The following REXO5 variants were observed in gnomAD, a reference collection of about 807,000 sequenced individuals.
REXO5 encodes the protein RNA exonuclease 5, also known as exonuclease NEF-sp.
A neutral mutation model predicts 88.5 loss-of-function variants in REXO5; 48 were observed. That is an observed-to-expected ratio of 0.54 (90% confidence interval 0.43 to 0.69). The LOEUF (loss-of-function observed/expected upper bound fraction) is 0.69, where lower values mean the gene tolerates loss of function less well. Among genes scored for constraint, REXO5 ranks in the 30% least tolerant of loss-of-function variants. The pLI, the probability that REXO5 is intolerant of heterozygous loss-of-function variation, is 0.00. For synonymous variants in REXO5, 311 were observed against 336.5 expected, an observed-to-expected ratio of 0.92 and a Z score of 0.83; for missense variants, 749 against 912.2, an observed-to-expected ratio of 0.82 and a Z score of 2.30.
chr16:20,818,667 A>C (rs2081118466), intron 5 of REXO5, among the ~76,000 whole-genome samples: 1 of 152,124 alleles, frequency 6.6e-6, no homozygotes, highest in Non-Finnish European at 1.5e-5. Flanking sequence ...ACAGAGTTTC[A>C]CCATGTTTGG....
chr16:20,808,102 A>T (rs920670153), intron 2 of REXO5, among the ~76,000 whole-genome samples: 2 of 152,152 alleles, frequency 1.3e-5, no homozygotes, highest in Non-Finnish European at 2.9e-5. Context: ...CATGCTGCTT[A>T]TGAGACTCTA....
rs1283861642 is a variant in REXO5, at chr16:20,825,842, T to C, written c.715T>C (p.Ser239Pro). ...FGLDCEMCLT[S>P]KGRELTRISL... ...CATGTTGGTCTTTCAGTGCCTCACA[T>C]CCAAGGGGAGAGAGCTAACACGCAT... The change falls in exon 8 of 20, where the codon TCC becomes CCC. Residue 239 changes from serine (S) to proline (P), a missense_variant. Transcript: ENST00000261377. 1 of 1,613,492 alleles carries C rather than the reference T, an allele frequency of 6.2e-7. No individual in the cohort carries two copies. Among genetic ancestry groups the C allele is most frequent in the South Asian group, 1.1e-5 (1 of 90,964 alleles).
chr16:20,807,155 A>T lies in REXO5; in HGVS notation c.138+64A>T. 3 of 1,533,524 alleles carry T rather than the reference A, an allele frequency of 2.0e-6. No individual in the cohort carries two copies. In the South Asian group the frequency reaches 3.7e-5, roughly 19 times the overall value. 95.0% of individuals were successfully genotyped at this position (1,533,524 alleles called of 1,614,324 possible). On this transcript the variant is annotated intron_variant, in intron 2 of 19. Transcript: ENST00000261377. ...TTTGGAGCTCCCGGACCCTCGCCCA[A>T]CCGCCGTCGGGGGCACTGGATTCGG... is the stretch of plus-strand genomic sequence containing the variant.
intron 7 of REXO5, among the ~76,000 whole-genome samples, chr16:20,824,973 C>T (rs568788064): frequency 2.6e-5 from 4 of 152,102 alleles, no homozygotes; most frequent in African/African-American, 9.6e-5. Context: ...AGCGCCACTG[C>T]ACTCCAGCCT....
At position 20,849,518 on chromosome 16, in the gene REXO5, C is replaced by G; in HGVS notation, c.*38C>G. Reference sequence around the variant, plus strand: ...TGTTTCCATGTGCCATTTCTTACCCCTTGTAGGCAATGGCAAAGAATGTGG... The same window carrying G: ...TGTTTCCATGTGCCATTTCTTACCCGTTGTAGGCAATGGCAAAGAATGTGG... On this transcript the variant is annotated 3_prime_UTR_variant, in exon 20 of 20. Transcript: ENST00000261377. 6.3e-7 allele frequency: 1 copy of G among 1,584,978 alleles called. No individual in the cohort carries two copies. The highest frequency in any genetic ancestry group is 8.7e-7 in the Non-Finnish European group (1 of 1,153,718).
At chr16:20,820,167 G>C (rs1252261746) in intron 5 of REXO5, among the ~76,000 whole-genome samples, 1 of 152,104 alleles carries the variant, frequency 6.6e-6, no homozygotes, top group Non-Finnish European at 1.5e-5. Flanking sequence ...TTGAATGGTG[G>C]ACGAAAGTTA....
At position 20,825,887 on chromosome 16, in the gene REXO5, G is replaced by A; in HGVS notation, c.760G>A (p.Gly254Ser). The change falls in exon 8 of 20, where the codon GGC becomes AGC. Residue 254 changes from glycine to serine, a missense_variant. Physicochemically the swap from Gly to Ser is moderately conservative, Grantham distance 56. Transcript: ENST00000261377. ...ACGCATCTCACTGGTTGCTGAAGGAGGCTGCTGTGTTATGGATGAACTGGT... is the reference window on the plus strand; with the variant it reads ...ACGCATCTCACTGGTTGCTGAAGGAAGCTGCTGTGTTATGGATGAACTGGT... The part of the protein sequence containing the change: ...LTRISLVAEG[G>S]CCVMDELVKP... 1 of 1,614,090 alleles carries A rather than the reference G, an allele frequency of 6.2e-7. No homozygotes were observed. The highest frequency in any genetic ancestry group is 1.1e-5 in the South Asian group (1 of 91,040).
At chr16:20,843,673 G>A (rs2081563681) in intron 15 of REXO5, among the ~76,000 whole-genome samples, 1 of 152,218 alleles carries the variant, frequency 6.6e-6, no homozygotes, top group East Asian at 1.9e-4. Context: ...TGACTTTAGT[G>A]ATGCATAATA....
chr16:20,827,337 T>C lies in REXO5; in HGVS notation c.961-16T>C. On this transcript the variant is annotated splice_polypyrimidine_tract_variant and intron_variant, in intron 9 of 19. Transcript: ENST00000261377. The stretch of plus-strand genomic sequence containing the variant: ...TAGCATAAGACACTACTCATTTTAT[T>C]CTCTTTCTTCCTCAGATGATACATC... 6.2e-7 allele frequency: 1 copy of C among 1,608,878 alleles called. No individual in the cohort carries two copies. The highest frequency in any genetic ancestry group is 8.5e-7 in the Non-Finnish European group (1 of 1,176,064).
At chr16:20,844,564 T>A (rs2081577827) in intron 16 of REXO5, 65 bp from the exon 17 acceptor site, 1 of 1,387,616 alleles carries the variant, frequency 7.2e-7, no homozygotes, top group Admixed American at 1.9e-5. Flanking sequence ...AACAACTTGC[T>A]AGTATCCAAT....
intron 18 of REXO5, among the ~76,000 whole-genome samples, chr16:20,845,580 C>T (rs1197480679): frequency 6.6e-6 from 1 of 151,882 alleles, no homozygotes; most frequent in Non-Finnish European, 1.5e-5. Context: ...ATGGTCTTTT[C>T]TTTTTTGTTT....
At position 20,826,964 on chromosome 16, in the gene REXO5, A is replaced by T. The variant is rs184865081; in HGVS notation, c.822-94A>T. 353 of 1,267,410 alleles carry T rather than the reference A, an allele frequency of 2.8e-4. 2 individuals are homozygous for T. The African/African-American group carries it at 4.9e-3, about 17-fold the overall frequency. The allele number at this position is 1,267,410 out of a possible 1,614,324, so 78.5% of individuals were successfully genotyped here. A position where few individuals can be genotyped will look rare whatever the true frequency, so the allele number is the denominator to read the frequency against. Reference sequence around the variant, plus strand: ...GGACACTAAGCATATATATATTAACAGTAATTTTAAAAAATGTTATTTTTA... The same window carrying T: ...GGACACTAAGCATATATATATTAACTGTAATTTTAAAAAATGTTATTTTTA... On this transcript the variant is annotated intron_variant, in intron 8 of 19. Transcript: ENST00000261377.
In REXO5 at chr16:20,849,493, T is replaced by C. The variant is rs2081660500; in HGVS notation, c.*13T>C. 2 of 1,612,960 alleles carry C rather than the reference T, an allele frequency of 1.2e-6. No homozygotes were observed. Among genetic ancestry groups the C allele is most frequent in the Non-Finnish European group, 1.7e-6 (2 of 1,179,052 alleles). ...CCTGTGTTCGTGAGTCGGCCTGCCA[T>C]GTTTCCATGTGCCATTTCTTACCCC... On this transcript the variant is annotated 3_prime_UTR_variant, in exon 20 of 20. Coordinates refer to ENST00000261377, the MANE Select transcript of REXO5 (RefSeq NM_030941.3).
chr16:20,826,276 G>A (rs965931327), intron 8 of REXO5, among the ~76,000 whole-genome samples: 1 of 152,162 alleles, frequency 6.6e-6, no homozygotes, highest in Non-Finnish European at 1.5e-5. Context: ...CTGAAAATCT[G>A]CAAGTCATCA....
In REXO5 at chr16:20,844,832, A is replaced by G; in HGVS notation, c.1923A>G (p.Lys641=). 2 of 1,613,818 alleles carry G rather than the reference A, an allele frequency of 1.2e-6. No homozygotes were observed. The highest frequency in any genetic ancestry group is 1.7e-6 in the Non-Finnish European group (2 of 1,179,858). ...ATCTTAAAAGTGGAAAGCAGAAAAA[A>G]TACTGTTTCCTGAGTAAGTCTATGC... ...PKDLKSGKQK[K]YCFLKFKSFG... is the part of the protein sequence containing the mutation. Residue 641 remains lysine (K), a synonymous_variant, in exon 17 of 20, where the codon AAA becomes AAG. Coordinates refer to ENST00000261377, the MANE Select transcript of REXO5 (RefSeq NM_030941.3).
chr16:20,807,025 G>A lies in REXO5; in HGVS notation c.72G>A (p.Lys24=). ...KVRESRQAPN[K]LVGAAEAMKA... Reference sequence around the variant, plus strand: ...GGGAAAGCAGGCAGGCCCCAAATAAGCTGGTCGGGGCAGCTGAGGCGATGA... The same window carrying A: ...GGGAAAGCAGGCAGGCCCCAAATAAACTGGTCGGGGCAGCTGAGGCGATGA... The change falls in exon 2 of 20, where the codon AAG becomes AAA. Residue 24 remains lysine, a synonymous_variant. Transcript: ENST00000261377. 2.5e-6 allele frequency: 4 copies of A among 1,603,112 alleles called. No individual in the cohort carries two copies. The South Asian group carries it at 4.5e-5, about 18-fold the overall frequency.
intron 19 of REXO5, 37 bp downstream of exon 19, chr16:20,846,376 C>A (rs34400115): frequency 0.14 from 209,552 of 1,485,372 alleles, 15,571 homozygotes; most frequent in Middle Eastern, 0.23. Context: ...AGGACTCTGT[C>A]CCCTGGATTT....
At chr16:20,831,602 T>C (rs967723345) in intron 11 of REXO5, among the ~76,000 whole-genome samples, 3 of 152,204 alleles carry the variant, frequency 2.0e-5, no homozygotes, top group African/African-American at 7.2e-5. Context: ...AAAAAAAGTT[T>C]ATTTTTAAAA....
rs1472496806 is a variant in REXO5, at chr16:20,849,647, T to C, written c.*167T>C. On this transcript the variant is annotated 3_prime_UTR_variant, in exon 20 of 20. Coordinates refer to ENST00000261377, the MANE Select transcript of REXO5 (RefSeq NM_030941.3). The stretch of plus-strand genomic sequence containing the variant: ...ATGGCATGTATAAGTTTTCAATAAA[T>C]GCCTAAAGTTCAAGCATAGTATGGG... 1 of 615,828 alleles carries C rather than the reference T, an allele frequency of 1.6e-6. No homozygotes were observed. The highest frequency in any genetic ancestry group is 2.9e-6 in the Non-Finnish European group (1 of 346,232). 38.1% of individuals were successfully genotyped at this position (615,828 alleles called of 1,614,324 possible).
Sources: allele counts gnomAD v4.1 joint callset (sites outside exome capture counted in the v4.1 genomes callset), GRCh38; gene constraint gnomAD v4.1.1; transcripts MANE v1.5; gene names NCBI Gene and HGNC (gene_info 2026-07-23, HGNC 2026-07-21).